The following DUSP16 variants were observed in gnomAD, a reference collection of about 807,000 sequenced individuals.
DUSP16 encodes dual specificity phosphatase 16.
In DUSP16, 21 loss-of-function variants were observed where a neutral mutation model predicts 58.3. The ratio of observed to expected loss-of-function variants is 0.36; its 90% CI spans 0.26 to 0.52. The LOEUF (loss-of-function observed/expected upper bound fraction) is 0.52, where lower values mean the gene tolerates loss of function less well. DUSP16 is among the 20% of genes least tolerant of loss of function. The pLI, the probability that DUSP16 is intolerant of heterozygous loss-of-function variation, is 0.94. For missense variants in DUSP16, 726 were observed against 819.0 expected, an observed-to-expected ratio of 0.89 and a Z score of 1.39; for synonymous variants, 320 against 323.8, an observed-to-expected ratio of 0.99 and a Z score of 0.12.
At position 12,548,593 on chromosome 12, in the gene DUSP16, C is replaced by T. The variant is rs374072186; in HGVS notation, c.-366+13524G>A. ...GTTGCAGTGAGCCGAGATCGCACCACTGCACTCCAACCTGGTGACAGAGTG... is the reference window on the plus strand; with the variant it reads ...GTTGCAGTGAGCCGAGATCGCACCATTGCACTCCAACCTGGTGACAGAGTG... On this transcript the variant is annotated intron_variant, in intron 1 of 6. Transcript: ENST00000298573. Among the ~76,000 whole-genome samples the T allele has an allele frequency of 4.2e-4, 57 of 136,984 alleles. No individual in the cohort carries two copies. In the East Asian group the frequency reaches 8.0e-3, roughly 19 times the overall value. The allele number at this position is 136,984 out of a possible 152,430, so 89.9% of individuals were successfully genotyped here. A position where few individuals can be genotyped will look rare whatever the true frequency, so the allele number is the denominator to read the frequency against.
chr12:12,493,643 G>A lies in DUSP16; in HGVS notation c.532-6456C>T, dbSNP rs369307983. 5.3e-5 allele frequency among the ~76,000 whole-genome samples: 8 copies of A among 152,180 alleles called. No homozygotes were observed. The East Asian group carries it at 1.4e-3, about 26-fold the overall frequency. On this transcript the variant is annotated intron_variant, in intron 4 of 6. Coordinates refer to ENST00000298573, the MANE Select transcript of DUSP16 (RefSeq NM_030640.3). ...ACTCTGCTCCAGCCACACTGGCCTC[G>A]CTCTTCCTTTAGCATACCACATGTG...
At chr12:12,553,895 T>G (rs745451107) in intron 1 of DUSP16, among the ~76,000 whole-genome samples, 5 of 152,004 alleles carry the variant, frequency 3.3e-5, no homozygotes, top group South Asian at 2.1e-4. Context: ...AAAACAGAAC[T>G]TATAGAAAAT....
chr12:12,502,550 ATTTTTTTTTTT>A (rs58116968), intron 3 of DUSP16, among the ~76,000 whole-genome samples: 1 of 130,900 alleles, frequency 7.6e-6, no homozygotes, highest in Non-Finnish European at 1.6e-5. Context: ...TCATGGTTTC[ATTTTTTTTTTT>A]TTTTTTTGAG....
At chr12:12,552,441 C>A (rs1316041674) in intron 1 of DUSP16, among the ~76,000 whole-genome samples, 2 of 151,574 alleles carry the variant, frequency 1.3e-5, no homozygotes, top group African/African-American at 4.8e-5. Flanking sequence ...GCGAGACTAT[C>A]TCAAAAAAAT....
chr12:12,491,244 TCCCACCA>T (rs1943756998), intron 4 of DUSP16: 1 of 151,430 alleles, frequency 6.6e-6, no homozygotes, highest in African/African-American at 2.4e-5. Flanking sequence ...AGACACAGGG[TCCCACCA>T]TGTTGTCCAG....
rs1274367857 is a variant in DUSP16 at position 12,546,625 on chromosome 12, A to G, written c.-366+15492T>C. Among the ~76,000 whole-genome samples the G allele has an allele frequency of 2.0e-5, 3 of 152,224 alleles. No individual in the cohort carries two copies. The East Asian group carries it at 5.8e-4, about 29-fold the overall frequency. The stretch of plus-strand genomic sequence containing the variant: ...ATAGATGTCACAGATGGTCAAGCAC[A>G]AAGACAACACTAGATAGACATGCTG... On this transcript the variant is annotated intron_variant, in intron 1 of 6. Transcript: ENST00000298573.
intron 3 of DUSP16, among the ~76,000 whole-genome samples, chr12:12,514,976 AC>A (rs955048757): frequency 1.3e-5 from 2 of 152,022 alleles, no homozygotes; most frequent in Admixed American, 6.6e-5. Flanking sequence ...CAATTTCTAT[AC>A]CCAGATTACC....
chr12:12,514,972 C>A (rs1030576367), intron 3 of DUSP16, among the ~76,000 whole-genome samples: 6 of 152,068 alleles, frequency 3.9e-5, no homozygotes, highest in Non-Finnish European at 8.8e-5. Context: ...TGTACAATTT[C>A]TATACCCAGA....
intron 3 of DUSP16, among the ~76,000 whole-genome samples, chr12:12,505,407 C>A (rs10845562): frequency 6.6e-6 from 1 of 152,020 alleles, no homozygotes; most frequent in African/African-American, 2.4e-5. Context: ...GAAGAAGATC[C>A]GACAAGAACA....
intron 6 of DUSP16, 74 bp downstream of exon 6, chr12:12,480,149 T>A: frequency 6.4e-7 from 1 of 1,556,830 alleles, no homozygotes; most frequent in South Asian, 1.2e-5. Flanking sequence ...TTAATTTGGT[T>A]ACCCATCCTC....
chr12:12,501,348 A>T (rs1156728944), intron 3 of DUSP16, among the ~76,000 whole-genome samples: 2 of 152,220 alleles, frequency 1.3e-5, no homozygotes, highest in Non-Finnish European at 2.9e-5. Flanking sequence ...AGGGTGCAGG[A>T]AGGCTTTGTG....
chr12:12,479,888 C>T (rs1224426406), intron 6 of DUSP16, among the ~76,000 whole-genome samples: 1 of 152,180 alleles, frequency 6.6e-6, no homozygotes, highest in Non-Finnish European at 1.5e-5. Context: ...AGCTTCCCCC[C>T]ATCATATGCA....
intron 5 of DUSP16, among the ~76,000 whole-genome samples, chr12:12,486,781 C>T (rs1943691069): frequency 1.3e-5 from 2 of 152,208 alleles, no homozygotes; most frequent in Non-Finnish European, 2.9e-5. Flanking sequence ...ATTACAGATC[C>T]TGTGAAGCTT....
In DUSP16 at chr12:12,477,617, T is replaced by C; in HGVS notation, c.1214A>G (p.Lys405Arg). Residue 405 changes from lysine (K) to arginine (R), a missense_variant, in exon 7 of 7, where the codon AAA becomes AGA. Transcript: ENST00000298573. The surrounding 1 kb of genome is among the most constrained non-coding windows in gnomAD (Gnocchi z 4.1). ...KLKRSFSLDI[K>R]SVSYSASMAA... ...CATGCTGGCTGAATATGAAACTGAT[T>C]TGATATCCAGAGAGAAGGAACGCTT... 6.2e-7 allele frequency: 1 copy of C among 1,614,218 alleles called. No individual in the cohort carries two copies. Among genetic ancestry groups the C allele is most frequent in the Non-Finnish European group, 8.5e-7 (1 of 1,180,038 alleles).
At chr12:12,524,385 T>C (rs1220834254) in intron 1 of DUSP16, among the ~76,000 whole-genome samples, 1 of 152,168 alleles carries the variant, frequency 6.6e-6, no homozygotes, top group Non-Finnish European at 1.5e-5. Flanking sequence ...TAATTCTCTG[T>C]AGTGCTAAAT....
At chr12:12,560,659 C>A (rs1944885151) in intron 1 of DUSP16, 2 of 152,150 alleles carry the variant, frequency 1.3e-5, no homozygotes, top group Non-Finnish European at 2.9e-5. Context: ...ATAGACTCCA[C>A]GAGCCTCCCA....
intron 1 of DUSP16, among the ~76,000 whole-genome samples, chr12:12,543,150 T>C (rs976807404): frequency 6.6e-6 from 1 of 152,124 alleles, no homozygotes; most frequent in African/African-American, 2.4e-5. Flanking sequence ...GACAGTACAA[T>C]GCTATGAAGA....
At chr12:12,490,482 T>A (rs1943747509) in intron 4 of DUSP16, among the ~76,000 whole-genome samples, 2 of 152,222 alleles carry the variant, frequency 1.3e-5, no homozygotes, top group African/African-American at 4.8e-5. Context: ...AAGTGCCTTC[T>A]TATCTGGATT....
chr12:12,540,714 C>A (rs1252050942), intron 1 of DUSP16, among the ~76,000 whole-genome samples: 1 of 152,092 alleles, frequency 6.6e-6, no homozygotes, highest in Non-Finnish European at 1.5e-5. Context: ...GGACGCTCTC[C>A]TACCCCAACT....
Sources: gnomAD v4.1 joint callset for allele counts (sites outside exome capture counted in the v4.1 genomes callset) on GRCh38, gnomAD v4.1.1 for gene constraint, Gnocchi (gnomAD v3.1) non-coding constraint, MANE v1.5 for transcripts, NCBI Gene and HGNC (gene_info 2026-07-23, HGNC 2026-07-21) for gene names.